The following MAGI1 variants were observed in gnomAD, a reference collection of about 807,000 sequenced individuals.
MAGI1 encodes the protein membrane associated guanylate kinase, WW and PDZ domain containing 1.
In MAGI1, 58 loss-of-function variants were observed where a neutral mutation model predicts 139.9. The ratio of observed to expected loss-of-function variants is 0.41; its 90% CI spans 0.34 to 0.52. The LOEUF (loss-of-function observed/expected upper bound fraction) is 0.52, where lower values mean the gene tolerates loss of function less well. Ranked by LOEUF, MAGI1 falls within the 20% of genes least tolerant of loss-of-function variation. The pLI is 0.12. For synonymous variants in MAGI1, 812 were observed against 737.9 expected (o/e 1.10, Z -1.63); for missense variants, 1,874 against 1,901.6 (o/e 0.99, Z 0.27).
intron 2 of MAGI1, among the ~76,000 whole-genome samples, chr3:65,516,108 G>A (rs990855364): frequency 1.3e-5 from 2 of 152,190 alleles, no homozygotes; most frequent in African/African-American, 4.8e-5. Flanking sequence ...AAGAGGCTGA[G>A]GGTGAGAGAA....
At chr3:65,686,940 C>A (rs1348334483) in intron 1 of MAGI1, among the ~76,000 whole-genome samples, 2 of 152,158 alleles carry the variant, frequency 1.3e-5, no homozygotes, top group Non-Finnish European at 2.9e-5. Flanking sequence ...TACGGTAGCC[C>A]ATTCGATGAA....
chr3:65,518,272 A>C (rs2077994656), intron 2 of MAGI1, among the ~76,000 whole-genome samples: 1 of 152,156 alleles, frequency 6.6e-6, no homozygotes, highest in South Asian at 2.1e-4. Flanking sequence ...ACCACGGCAC[A>C]TTTTACAATC....
rs79666804 is a variant in MAGI1 at position 65,438,068 on chromosome 3, C to T, written c.1271-821G>A. ...AAGAAATTATTCTATCAGAATGATACCTACACTTGTATGTTTACTGCAGCA... is the reference window on the plus strand; with the variant it reads ...AAGAAATTATTCTATCAGAATGATATCTACACTTGTATGTTTACTGCAGCA... On this transcript the variant is annotated intron_variant, in intron 9 of 22. Transcript: ENST00000402939. 2.0e-3 allele frequency among the ~76,000 whole-genome samples: 310 copies of T among 152,252 alleles called. 1 individual carries two copies. Among genetic ancestry groups the T allele is most frequent in the African/African-American group, 7.1e-3 (296 of 41,552 alleles).
rs146576865 is a variant in MAGI1 at position 65,644,006 on chromosome 3, A to T, written c.314-21918T>A. 3.6e-3 allele frequency among the ~76,000 whole-genome samples: 550 copies of T among 152,030 alleles called. 6 individuals are homozygous for T. The highest frequency in any genetic ancestry group is 0.013 in the African/African-American group (530 of 41,466). Reference sequence around the variant, plus strand: ...TATCCGCTCTTCATCATCTTTGGAGACCCCAGAGGAATTCAGCACTTCTGC... The same window carrying T: ...TATCCGCTCTTCATCATCTTTGGAGTCCCCAGAGGAATTCAGCACTTCTGC... On this transcript the variant is annotated intron_variant, in intron 1 of 22. Coordinates refer to ENST00000402939, the MANE Select transcript of MAGI1 (RefSeq NM_001033057.2).
At chr3:65,732,166 C>A (rs566791940) in intron 1 of MAGI1, among the ~76,000 whole-genome samples, 1 of 152,288 alleles carries the variant, frequency 6.6e-6, no homozygotes, top group African/African-American at 2.4e-5. Flanking sequence ...AGAGAGATAA[C>A]AGAATCTAGA....
At chr3:65,437,307 T>C (rs1947923958) in intron 9 of MAGI1, 60 bp from the exon 10 acceptor site, 16 of 1,045,056 alleles carry the variant, frequency 1.5e-5, no homozygotes, top group Admixed American at 3.6e-5. Flanking sequence ...GAGTTACTTA[T>C]GATTCACCTT....
At chr3:65,812,041 G>C (rs750342742) in intron 1 of MAGI1, among the ~76,000 whole-genome samples, 19 of 152,002 alleles carry the variant, frequency 1.2e-4, no homozygotes, top group Non-Finnish European at 2.8e-4. Context: ...CGGCGGGAGA[G>C]GAGGTAATCT....
intron 1 of MAGI1, among the ~76,000 whole-genome samples, chr3:65,770,767 C>T (rs1397674486): frequency 6.6e-6 from 1 of 152,092 alleles, no homozygotes; most frequent in Non-Finnish European, 1.5e-5. Flanking sequence ...CAGCTCACTG[C>T]AACCTCTGAC....
chr3:65,899,822 G>T (rs2061144785), intron 1 of MAGI1, among the ~76,000 whole-genome samples: 1 of 152,096 alleles, frequency 6.6e-6, no homozygotes, highest in South Asian at 2.1e-4. Context: ...CTGGATTAAG[G>T]AACCCAAATT....
intron 1 of MAGI1, among the ~76,000 whole-genome samples, chr3:66,007,033 G>A (rs1231584494): frequency 6.6e-6 from 1 of 151,774 alleles, no homozygotes; most frequent in South Asian, 2.1e-4. Flanking sequence ...TAGAAACAGA[G>A]TCCCACTTCG....
At chr3:65,786,455 C>T (rs1010294291) in intron 1 of MAGI1, among the ~76,000 whole-genome samples, 33 of 151,622 alleles carry the variant, frequency 2.2e-4, no homozygotes, top group East Asian at 3.9e-4. Context: ...TACAGGCATG[C>T]GCCACCACAC....
intron 3 of MAGI1, among the ~76,000 whole-genome samples, chr3:65,486,844 G>A (rs1354210736): frequency 6.6e-6 from 1 of 152,106 alleles, no homozygotes; most frequent in African/African-American, 2.4e-5. Flanking sequence ...TCCCTGCCCG[G>A]CAAACCTACC....
intron 1 of MAGI1, among the ~76,000 whole-genome samples, chr3:65,931,619 G>C (rs1434253233): frequency 6.6e-6 from 1 of 152,192 alleles, no homozygotes; most frequent in Non-Finnish European, 1.5e-5. Flanking sequence ...GGCCGAGATT[G>C]TGCTACTGCA....
chr3:65,700,200 T>C (rs1383594635), intron 1 of MAGI1, among the ~76,000 whole-genome samples: 1 of 152,202 alleles, frequency 6.6e-6, no homozygotes, highest in East Asian at 1.9e-4. Context: ...TTCCAGCATT[T>C]TGGGAGGCCG....
intron 3 of MAGI1, among the ~76,000 whole-genome samples, chr3:65,487,535 G>T (rs898081938): frequency 1.3e-5 from 2 of 152,110 alleles, no homozygotes; most frequent in African/African-American, 4.8e-5. Flanking sequence ...CTGGATTTCA[G>T]TTCTATCATC....
In MAGI1 at chr3:65,354,974, T is replaced by C. The variant is rs1177785539; in HGVS notation, c.*1404A>G. ...CAAAGTTTTCTGTCTCTATGGAAAA[T>C]GCAAAACAGTACTACAGAAATACAC... On this transcript the variant is annotated 3_prime_UTR_variant, in exon 23 of 23. Coordinates refer to ENST00000402939, the MANE Select transcript of MAGI1 (RefSeq NM_001033057.2). The C allele has an allele frequency of 6.6e-6, 1 of 151,450 alleles. No homozygotes were observed. Among genetic ancestry groups the C allele is most frequent in the Non-Finnish European group, 1.5e-5 (1 of 67,892 alleles). The allele number at this position is 151,450 out of a possible 1,614,324, so 9.4% of individuals were successfully genotyped here.
At chr3:65,717,902 T>C (rs2032470461) in intron 1 of MAGI1, among the ~76,000 whole-genome samples, 1 of 152,164 alleles carries the variant, frequency 6.6e-6, no homozygotes, top group Admixed American at 6.5e-5. Flanking sequence ...CACATAAACC[T>C]ACTGTAATAG....
At chr3:65,983,393 G>A (rs951669812) in intron 1 of MAGI1, among the ~76,000 whole-genome samples, 3 of 152,150 alleles carry the variant, frequency 2.0e-5, no homozygotes, top group Admixed American at 6.6e-5. Context: ...GAGACTCTCC[G>A]AGGCCTCTCT....
At chr3:65,480,490 G>A (rs1020082601) in intron 3 of MAGI1, among the ~76,000 whole-genome samples, 2 of 150,876 alleles carry the variant, frequency 1.3e-5, no homozygotes, top group African/African-American at 2.4e-5. Flanking sequence ...AGCAGAGATC[G>A]TGGTACTGCA....
Sources: gnomAD v4.1 joint callset for allele counts (sites outside exome capture counted in the v4.1 genomes callset) on GRCh38, gnomAD v4.1.1 for gene constraint, MANE v1.5 for transcripts, NCBI Gene and HGNC (gene_info 2026-07-23, HGNC 2026-07-21) for gene names.